Variants in FUNDC2 observed in about 807,000 individuals in gnomAD.
FUNDC2 encodes FUN14 domain containing 2, also known as FUN14 domain-containing protein 2.
FUNDC2 carries 4 observed loss-of-function variants against 15.6 expected under a neutral mutation model. The ratio of observed to expected loss-of-function variants is 0.26; its 90% CI spans 0.13 to 0.59. The LOEUF is 0.59. Ranked by LOEUF, FUNDC2 falls within the 20% of genes least tolerant of loss-of-function variation. The probability of loss-of-function intolerance (pLI) is 0.90; values close to 1 mark genes in which losing one functional copy is unlikely to be tolerated. For missense variants in FUNDC2, 98 were observed against 149.7 expected (o/e 0.65, Z 1.80); for synonymous variants, 44 against 56.9 (o/e 0.77, Z 1.02).
At chrX:155,044,919 T>C (rs2073857843) in intron 2 of FUNDC2, among the ~76,000 whole-genome samples, 1 of 112,164 alleles carries the variant, frequency 8.9e-6, no homozygotes, top group African/African-American at 3.2e-5. Context: ...TCATGTTCAG[T>C]GCAGCATTAA....
intron 2 of FUNDC2, among the ~76,000 whole-genome samples, chrX:155,043,764 A>G (rs1557289818): frequency 1.8e-5 from 2 of 112,454 alleles, no homozygotes; most frequent in African/African-American, 6.5e-5. Context: ...TCATTTATTT[A>G]CTGGTCCTAC....
chrX:155,033,587 T>A (rs782339609), intron 2 of FUNDC2, 34 bp downstream of exon 2: 1 of 1,178,560 alleles, frequency 8.5e-7, no homozygotes, highest in Non-Finnish European at 1.2e-6. Context: ...CTGTCTTTTG[T>A]GCATGATTTA....
chrX:155,046,443 C>G (rs2073862859), intron 2 of FUNDC2, 66 bp from the exon 3 acceptor site: 2 of 980,920 alleles, frequency 2.0e-6, no homozygotes, highest in Non-Finnish European at 2.9e-6. Flanking sequence ...TGAACATTGC[C>G]AGAAATGCAT....
rs1395722022 is a variant in FUNDC2, at chrX:155,060,212, T to C, written c.*5540T>C. On this transcript the variant is annotated 3_prime_UTR_variant, in exon 5 of 5. Coordinates refer to ENST00000369498, the MANE Select transcript of FUNDC2 (RefSeq NM_023934.4). ...AACAATCTATTTGATCATGTAGTGA[T>C]TCCTAATGTAAATCCTAGTACAACT... The C allele has an allele frequency of 8.9e-6, 1 of 112,487 alleles. No individual in the cohort carries two copies. The highest frequency in any genetic ancestry group is 1.9e-5 in the Non-Finnish European group (1 of 53,324). The allele number at this position is 112,487 out of a possible 1,213,427, so 9.3% of individuals were successfully genotyped here. A position where few individuals can be genotyped will look rare whatever the true frequency, so the allele number is the denominator to read the frequency against.
Position 155,056,261 on chromosome X carries a change from C to G in FUNDC2, c.*1589C>G, listed in dbSNP as rs782424357. 5 of 111,651 alleles carry G rather than the reference C, an allele frequency of 4.5e-5. No homozygotes were observed. The East Asian group carries it at 1.4e-3, about 31-fold the overall frequency. The allele number at this position is 111,651 out of a possible 1,213,427, so 9.2% of individuals were successfully genotyped here. A position where few individuals can be genotyped will look rare whatever the true frequency, so the allele number is the denominator to read the frequency against. On this transcript the variant is annotated 3_prime_UTR_variant, in exon 5 of 5. Transcript: ENST00000369498. ...CAAATTATAGCTCTGCTGGTTTTTA[C>G]CAGTTATTGTGAAACAAATATCAAA...
rs2073794398 is a variant in FUNDC2, at chrX:155,027,018, C to T, written c.80C>T (p.Pro27Leu). 1 of 1,202,598 alleles carries T rather than the reference C, an allele frequency of 8.3e-7. No individual in the cohort carries two copies. Among genetic ancestry groups the T allele is most frequent in the Non-Finnish European group, 1.1e-6 (1 of 890,649 alleles). Residue 27 changes from proline (P) to leucine (L), a missense_variant, in exon 1 of 5, where the codon CCT (proline) becomes CTT (leucine). Transcript: ENST00000369498. Reference sequence around the variant, plus strand: ...CACTCCGCGGCCTACCGCGCAGATCCTCTACGTGTGTCCTCGCGAGACAAG... The same window carrying T: ...CACTCCGCGGCCTACCGCGCAGATCTTCTACGTGTGTCCTCGCGAGACAAG... ...ARHSAAYRAD[P>L]LRVSSRDKLT... is the part of the protein sequence containing the mutation.
intron 3 of FUNDC2, among the ~76,000 whole-genome samples, chrX:155,047,790 A>C (rs1338406271): frequency 9.1e-6 from 1 of 110,407 alleles, no homozygotes; most frequent in Non-Finnish European, 1.9e-5. Context: ...GCTTCCTCAC[A>C]CTACCATGAC....
chrX:155,039,204 G>C (rs1417978925), intron 2 of FUNDC2, among the ~76,000 whole-genome samples: 6 of 111,852 alleles, frequency 5.4e-5, no homozygotes, highest in Non-Finnish European at 9.4e-5. Flanking sequence ...TTTAAATCAG[G>C]TTGTATTTTT....
In FUNDC2 at chrX:155,026,922, C is replaced by T. The variant is rs1230078884; in HGVS notation, c.-17C>T. ...CGCGGCGCGCCCGGCCCTCCCTCTTCCGCTGCCGCCGTGGGAATGGAAACA... is the reference window on the plus strand; with the variant it reads ...CGCGGCGCGCCCGGCCCTCCCTCTTTCGCTGCCGCCGTGGGAATGGAAACA... On this transcript the variant is annotated 5_prime_UTR_variant, in exon 1 of 5. Coordinates refer to ENST00000369498, the MANE Select transcript of FUNDC2 (RefSeq NM_023934.4). 3 of 1,176,138 alleles carry T rather than the reference C, an allele frequency of 2.6e-6. No individual in the cohort carries two copies. The highest frequency in any genetic ancestry group is 1.1e-6 in the Non-Finnish European group (1 of 880,391).
Position 155,056,979 on chromosome X carries a change from GCTGGCTGCCTCTACGACT to G in FUNDC2, c.*2308_*2325del, listed in dbSNP as rs1557291032. The stretch of plus-strand genomic sequence containing the variant: ...AGGTCCCTCCTGAAGTTTTTTCCCA[GCTGGCTGCCTCTACGACT>G]GTGAGGGTCATGGTTGAGGTCAGTA... On this transcript the variant is annotated 3_prime_UTR_variant, in exon 5 of 5. Coordinates refer to ENST00000369498, the MANE Select transcript of FUNDC2 (RefSeq NM_023934.4). 9.1e-6 allele frequency: 1 copy of G among 110,132 alleles called. No individual in the cohort carries two copies. Among genetic ancestry groups the G allele is most frequent in the Non-Finnish European group, 1.9e-5 (1 of 52,675 alleles). 9.1% of individuals were successfully genotyped at this position (110,132 alleles called of 1,213,427 possible). A position where few individuals can be genotyped will look rare whatever the true frequency, so the allele number is the denominator to read the frequency against.
intron 2 of FUNDC2, among the ~76,000 whole-genome samples, chrX:155,039,630 T>C (rs1264968119): frequency 8.9e-6 from 1 of 112,392 alleles, no homozygotes; most frequent in Non-Finnish European, 1.9e-5. Flanking sequence ...TTGGCATCTT[T>C]GTCAAAAATC....
At chrX:155,044,839 C>T (rs1311308387) in intron 2 of FUNDC2, among the ~76,000 whole-genome samples, 1 of 111,720 alleles carries the variant, frequency 9.0e-6, no homozygotes, top group Non-Finnish European at 1.9e-5. Context: ...ACCATGCGAC[C>T]CAGCAATTCC....
At chrX:155,038,993 C>G (rs782620992) in intron 2 of FUNDC2, among the ~76,000 whole-genome samples, 181 of 112,407 alleles carry the variant, frequency 1.6e-3, no homozygotes, top group African/African-American at 5.6e-3. Context: ...TTCCTTTTCT[C>G]TACATCCTCA....
chrX:155,040,885 G>A (rs2073844358), intron 2 of FUNDC2, among the ~76,000 whole-genome samples: 1 of 111,529 alleles, frequency 9.0e-6, no homozygotes, highest in Non-Finnish European at 1.9e-5. Flanking sequence ...TGAGTTGTAA[G>A]AGTTCTTTAT....
Position 155,056,009 on chromosome X carries a change from C to G in FUNDC2, c.*1337C>G. On this transcript the variant is annotated 3_prime_UTR_variant, in exon 5 of 5. Coordinates refer to ENST00000369498, the MANE Select transcript of FUNDC2 (RefSeq NM_023934.4). ...GATGTGTGGAACTTTACAGAAACCA[C>G]CTATTTGCGTTTTTCTCCTTACATT... is the stretch of plus-strand genomic sequence containing the variant. 1 of 112,118 alleles carries G rather than the reference C, an allele frequency of 8.9e-6. No individual in the cohort carries two copies. The highest frequency in any genetic ancestry group is 3.7e-4 in the South Asian group (1 of 2,712). 9.2% of individuals were successfully genotyped at this position (112,118 alleles called of 1,213,427 possible). A position where few individuals can be genotyped will look rare whatever the true frequency, so the allele number is the denominator to read the frequency against.
At chrX:155,040,762 C>T (rs1386341641) in intron 2 of FUNDC2, among the ~76,000 whole-genome samples, 1 of 111,766 alleles carries the variant, frequency 8.9e-6, no homozygotes, top group Non-Finnish European at 1.9e-5. Context: ...TGAGGACCCA[C>T]CTAACTTTTG....
intron 2 of FUNDC2, among the ~76,000 whole-genome samples, chrX:155,039,912 T>C (rs1258105881): frequency 8.9e-6 from 1 of 112,060 alleles, no homozygotes; most frequent in Non-Finnish European, 1.9e-5. Context: ...GTGGATTGCA[T>C]TGAATCTGTA....
rs1557291440 is a variant in FUNDC2 at position 155,059,848 on chromosome X, T to C, written c.*5176T>C. The C allele has an allele frequency of 9.0e-6, 1 of 111,671 alleles. No individual in the cohort carries two copies. Among genetic ancestry groups the C allele is most frequent in the African/African-American group, 3.3e-5 (1 of 30,659 alleles). 9.2% of individuals were successfully genotyped at this position (111,671 alleles called of 1,213,427 possible). On this transcript the variant is annotated 3_prime_UTR_variant, in exon 5 of 5. Transcript: ENST00000369498. ...TCCCCTCTTGGTACTTCACTCATGA[T>C]AGTGAGTTCTCATGAGATCTGGCAC...
At chrX:155,047,265 G>A (rs2073865611) in intron 3 of FUNDC2, 1 of 334,617 alleles carries the variant, frequency 3.0e-6, no homozygotes, top group African/African-American at 2.7e-5. Context: ...GATTTCATTG[G>A]AAAACTTAAA....
Sources: gnomAD v4.1 joint callset for allele counts (sites outside exome capture counted in the v4.1 genomes callset) on GRCh38, gnomAD v4.1.1 for gene constraint, MANE v1.5 for transcripts, NCBI Gene and HGNC (gene_info 2026-07-23, HGNC 2026-07-21) for gene names.